CEP290: variants seen among roughly 807,000 people sequenced by gnomAD.
The protein encoded by CEP290 is centrosomal protein 290.
CEP290 carries 317 observed loss-of-function variants against 344.9 expected under a neutral mutation model. That is an observed-to-expected ratio of 0.92 (90% CI 0.84 to 1.01). The LOEUF is 1.01. Among genes scored for constraint, CEP290 ranks in the 50% least tolerant of loss-of-function variants. The pLI is 0.00. For missense variants in CEP290, 2,754 were observed against 2,761.4 expected (o/e 1.00, Z 0.06); for synonymous variants, 932 against 895.8 (o/e 1.04, Z -0.72).
chr12:88,115,582 T>C, intron 18 of CEP290: 1 of 1,274,564 alleles, frequency 7.8e-7, no homozygotes, highest in Non-Finnish European at 1.0e-6. Context: ...TAAAGAAAAA[T>C]TTAATAAATT....
chr12:88,092,681 T>G lies in CEP290; in HGVS notation c.3461A>C (p.Lys1154Thr), dbSNP rs1050202680. The part of the protein sequence containing the change: ...NEMELKVEVS[K>T]LREISDIARR... ...GGCTAAAATGCTTATATGCACTTAC[T>G]TTGACACTTCAACTTTTAGTTCCAT... Residue 1154 changes from lysine (K) to threonine (T), a missense_variant and splice_region_variant, in exon 29 of 54, where the codon AAA becomes ACA. By Grantham distance (78) the Lys-to-Thr change is moderately conservative. Transcript: ENST00000552810. 2 of 1,608,054 alleles carry G rather than the reference T, an allele frequency of 1.2e-6. No homozygotes were observed. Among genetic ancestry groups the G allele is most frequent in the African/African-American group, 2.7e-5 (2 of 74,718 alleles).
At chr12:88,072,279 A>T (rs1461269425) in intron 41 of CEP290, among the ~76,000 whole-genome samples, 1 of 148,494 alleles carries the variant, frequency 6.7e-6, no homozygotes, top group Non-Finnish European at 1.5e-5. Context: ...AATTTTGTAC[A>T]TGAAACAAAG....
At chr12:88,135,349 A>AC (rs201255148) in intron 6 of CEP290, among the ~76,000 whole-genome samples, 2,446 of 152,274 alleles carry the variant, frequency 0.016, 25 homozygotes, top group East Asian at 0.024. Context: ...CTGATTAGCT[A>AC]AGGGTGTGTG....
At chr12:88,085,962 A>C (rs932296122) in intron 34 of CEP290, 77 bp downstream of exon 34, 1 of 1,348,390 alleles carries the variant, frequency 7.4e-7, no homozygotes, top group African/African-American at 1.5e-5. Flanking sequence ...CATTGCCCTC[A>C]TAAAGAAATA....
At chr12:88,073,709 ATTGT>A (rs1167572961) in intron 41 of CEP290, among the ~76,000 whole-genome samples, 1 of 152,138 alleles carries the variant, frequency 6.6e-6, no homozygotes, top group Non-Finnish European at 1.5e-5. Context: ...AGGCAGGAAG[ATTGT>A]TTGAGCCCAG....
intron 44 of CEP290, among the ~76,000 whole-genome samples, chr12:88,067,059 G>GT (rs2034993619): frequency 6.6e-6 from 1 of 152,144 alleles, no homozygotes; most frequent in African/African-American, 2.4e-5. Context: ...GCACAACACT[G>GT]TAACAAAATT....
chr12:88,138,922 C>T (rs1246281921), intron 5 of CEP290, among the ~76,000 whole-genome samples: 1 of 152,110 alleles, frequency 6.6e-6, no homozygotes, highest in Non-Finnish European at 1.5e-5. Context: ...AGACTATAAG[C>T]TCCATCCAGC....
chr12:88,133,285 C>A (rs920563401), intron 6 of CEP290, among the ~76,000 whole-genome samples: 41 of 151,916 alleles, frequency 2.7e-4, no homozygotes, highest in Middle Eastern at 3.2e-3. Flanking sequence ...TGGGGTTTCA[C>A]CATACTGGCC....
rs372362500 is a variant in CEP290 at position 88,118,378 on chromosome 12, G to A, written c.1711+105C>T. On this transcript the variant is annotated intron_variant, in intron 17 of 53. Transcript: ENST00000552810. Reference sequence around the variant, plus strand: ...ATTGTCATTTATTAAATTTGTAGCAGATCCACAATAGAACAGCAAAAACAG... The same window carrying A: ...ATTGTCATTTATTAAATTTGTAGCAAATCCACAATAGAACAGCAAAAACAG... The A allele has an allele frequency of 6.2e-5, 53 of 853,810 alleles. 1 individual carries two copies. In the South Asian group the frequency reaches 9.3e-4, roughly 15 times the overall value. The allele number at this position is 853,810 out of a possible 1,614,324, so 52.9% of individuals were successfully genotyped here.
At chr12:88,129,305 C>A (rs2039928015) in intron 10 of CEP290, among the ~76,000 whole-genome samples, 1 of 151,746 alleles carries the variant, frequency 6.6e-6, no homozygotes, top group Non-Finnish European at 1.5e-5. Context: ...TATTTTTAAA[C>A]ATTATTCTAC....
Position 88,059,082 on chromosome 12 carries a change from T to C in CEP290, c.6646-62A>G, listed in dbSNP as rs1232757551. 28 of 1,329,826 alleles carry C rather than the reference T, an allele frequency of 2.1e-5. No homozygotes were observed. In the East Asian group the frequency reaches 6.8e-4, roughly 32 times the overall value. 82.4% of individuals were successfully genotyped at this position (1,329,826 alleles called of 1,614,324 possible). A position where few individuals can be genotyped will look rare whatever the true frequency, so the allele number is the denominator to read the frequency against. Reference sequence around the variant, plus strand: ...CATAATACTGTTCTCATAGATTCAGTGTATTCAAAATTATCATTACAAATT... The same window carrying C: ...CATAATACTGTTCTCATAGATTCAGCGTATTCAAAATTATCATTACAAATT... On this transcript the variant is annotated intron_variant, in intron 48 of 53. Coordinates refer to ENST00000552810, the MANE Select transcript of CEP290 (RefSeq NM_025114.4).
At chr12:88,083,759 T>C (rs1454163482) in intron 36 of CEP290, 88 bp downstream of exon 36, 1 of 847,862 alleles carries the variant, frequency 1.2e-6, no homozygotes, top group Non-Finnish European at 1.9e-6. Context: ...AAAGGGTAAC[T>C]TCCATTCCAA....
At chr12:88,109,471 C>G (rs1166119990) in intron 22 of CEP290, among the ~76,000 whole-genome samples, 2 of 152,182 alleles carry the variant, frequency 1.3e-5, no homozygotes, top group Non-Finnish European at 2.9e-5. Flanking sequence ...GCCACATACC[C>G]TCTCTTATGA....
rs777382672 is a variant in CEP290, at chr12:88,089,218, T to C, written c.3843A>G (p.Ala1281=). The C allele has an allele frequency of 3.7e-6, 6 of 1,613,580 alleles. No individual in the cohort carries two copies. The African/African-American group carries it at 6.7e-5, about 18-fold the overall frequency. The part of the protein sequence containing the change: ...RRQFSGALPL[A]QQEKFSKTMI... ...TTGTTTTGGAGAACTTTTCCTGTTGTGCCAAGGGTAAAGCTCCACTAAACT... is the reference window on the plus strand; with the variant it reads ...TTGTTTTGGAGAACTTTTCCTGTTGCGCCAAGGGTAAAGCTCCACTAAACT... Residue 1281 remains alanine (A), a synonymous_variant, in exon 31 of 54, where the codon GCA becomes GCG. Transcript: ENST00000552810.
At chr12:88,106,471 CT>C (rs1023855511) in intron 25 of CEP290, among the ~76,000 whole-genome samples, 23 of 152,036 alleles carry the variant, frequency 1.5e-4, no homozygotes, top group African/African-American at 5.1e-4. Context: ...AGAAAAAAGC[CT>C]TTTTCAAAAG....
At chr12:88,074,414 T>C (rs2035606432) in intron 41 of CEP290, among the ~76,000 whole-genome samples, 1 of 152,182 alleles carries the variant, frequency 6.6e-6, no homozygotes, top group African/African-American at 2.4e-5. Flanking sequence ...CACCTGGCAT[T>C]ACTTGCTAAA....
At position 88,077,686 on chromosome 12, in the gene CEP290, T is replaced by C; in HGVS notation, c.5586+11A>G. ...TAAATCAGACATTATCAGAGTTAAA[T>C]ATAAAATTACCTGTAATCCACTGGT... On this transcript the variant is annotated intron_variant, in intron 40 of 53. Coordinates refer to ENST00000552810, the MANE Select transcript of CEP290 (RefSeq NM_025114.4). The C allele has an allele frequency of 2.1e-6, 3 of 1,426,048 alleles. No individual in the cohort carries two copies. The highest frequency in any genetic ancestry group is 2.9e-6 in the Non-Finnish European group (3 of 1,041,202). 88.3% of individuals were successfully genotyped at this position (1,426,048 alleles called of 1,614,324 possible).
intron 34 of CEP290, among the ~76,000 whole-genome samples, chr12:88,085,358 A>C (rs1045731351): frequency 6.6e-6 from 1 of 152,136 alleles, no homozygotes; most frequent in Non-Finnish European, 1.5e-5. Flanking sequence ...AAGAGGATTA[A>C]GGTGAGTATT....
At chr12:88,077,561 AAAG>A (rs2035872201) in intron 40 of CEP290, 133 bp downstream of exon 40, 6 of 697,324 alleles carry the variant, frequency 8.6e-6, no homozygotes, top group African/African-American at 1.8e-5. Flanking sequence ...AGAAGTCACA[AAAG>A]AAATTAATTA....
Sources: gnomAD v4.1 joint callset for allele counts (sites outside exome capture counted in the v4.1 genomes callset) on GRCh38, gnomAD v4.1.1 for gene constraint, MANE v1.5 for transcripts, NCBI Gene and HGNC (gene_info 2026-07-23, HGNC 2026-07-21) for gene names.